TACC2: variants seen among roughly 807,000 people sequenced by gnomAD.
TACC2 encodes the protein transforming acidic coiled-coil-containing protein 2.
Under a neutral mutation model 227.3 loss-of-function variants are expected in TACC2, and 137 were observed. The ratio of observed to expected loss-of-function variants is 0.60; its 90% CI spans 0.52 to 0.69. The LOEUF is 0.69. Among genes scored for constraint, TACC2 ranks in the 30% least tolerant of loss-of-function variants. The pLI is 0.00. For synonymous variants in TACC2, 1,523 were observed against 1,487.5 expected (o/e 1.02, Z -0.55); for missense variants, 3,470 against 3,694.4 (o/e 0.94, Z 1.57).
chr10:122,186,591 G>C (rs539601390), intron 7 of TACC2, among the ~76,000 whole-genome samples: 1 of 122,834 alleles, frequency 8.1e-6, no homozygotes, highest in Non-Finnish European at 1.5e-5. Context: ...TCTGCTCACT[G>C]CAACCTCTGC....
intron 6 of TACC2, among the ~76,000 whole-genome samples, chr10:122,139,668 C>T (rs955030123): frequency 1.5e-4 from 23 of 152,170 alleles, no homozygotes; most frequent in Non-Finnish European, 4.4e-5. Context: ...TCGGCCTTAA[C>T]GCTTGCCCTA....
chr10:122,074,255 A>G (rs904162455), intron 3 of TACC2, among the ~76,000 whole-genome samples: 2 of 150,970 alleles, frequency 1.3e-5, no homozygotes, highest in South Asian at 2.1e-4. Flanking sequence ...TAATTTTTGT[A>G]TTTTTAGTAG....
chr10:122,033,515 G>C (rs977253506), intron 2 of TACC2, among the ~76,000 whole-genome samples: 1 of 152,152 alleles, frequency 6.6e-6, no homozygotes, highest in African/African-American at 2.4e-5. Flanking sequence ...AGTGAAGCTG[G>C]GAATGGGGTG....
chr10:122,095,617 A>G (rs1384289419), intron 5 of TACC2, among the ~76,000 whole-genome samples: 3 of 152,232 alleles, frequency 2.0e-5, no homozygotes, highest in Admixed American at 1.3e-4. Flanking sequence ...CAAAAAGCTA[A>G]TAAGAGTTGG....
At chr10:122,053,832 A>G (rs543947882) in intron 3 of TACC2, among the ~76,000 whole-genome samples, 1 of 152,282 alleles carries the variant, frequency 6.6e-6, no homozygotes, top group Non-Finnish European at 1.5e-5. Context: ...CAAAGGATGT[A>G]AGTTTTTACA....
At position 122,061,961 on chromosome 10, in the gene TACC2, A is replaced by G. The variant is rs535630921; in HGVS notation, c.146+11411A>G. Reference sequence around the variant, plus strand: ...GGCAGAGAACAGCTGTCCCTATCGTAGATCCACAGGAAACAGAATTTTAGA... The same window carrying G: ...GGCAGAGAACAGCTGTCCCTATCGTGGATCCACAGGAAACAGAATTTTAGA... On this transcript the variant is annotated intron_variant, in intron 3 of 22. Coordinates refer to ENST00000369005, the MANE Select transcript of TACC2 (RefSeq NM_206862.4). Among the ~76,000 whole-genome samples the G allele has an allele frequency of 1.2e-3, 178 of 149,384 alleles. 1 individual carries two copies. The highest frequency in any genetic ancestry group is 4.2e-3 in the African/African-American group (174 of 40,964).
Position 122,084,756 on chromosome 10 carries a change from G to A in TACC2, c.2256G>A (p.Gly752=), listed in dbSNP as rs546814637. 3.7e-6 allele frequency: 6 copies of A among 1,613,656 alleles called. No individual in the cohort carries two copies. The South Asian group carries it at 6.6e-5, about 18-fold the overall frequency. ...TAAGGAAGATGGGCAGCTGTGATGG[G>A]GAGGGCTTGCTGACGTCCCCAGATC... is the stretch of plus-strand genomic sequence containing the variant. The part of the protein sequence containing the change: ...LEIRKMGSCD[G]EGLLTSPDQP... The change falls in exon 4 of 23, where the codon GGG becomes GGA. Residue 752 remains glycine, a synonymous_variant. Transcript: ENST00000369005.
chr10:122,208,740 T>G (rs909379160), intron 8 of TACC2, among the ~76,000 whole-genome samples: 2 of 152,208 alleles, frequency 1.3e-5, no homozygotes, highest in Admixed American at 6.5e-5. Context: ...AGAAGGGGAC[T>G]GGGGGTACAT....
intron 3 of TACC2, among the ~76,000 whole-genome samples, chr10:122,055,056 C>T (rs141566283): frequency 1.3e-3 from 201 of 152,170 alleles, no homozygotes; most frequent in Non-Finnish European, 2.1e-3. Context: ...CTCATCTCTA[C>T]TAAAATGCAA....
chr10:122,116,774 A>G (rs1592195059), intron 5 of TACC2, among the ~76,000 whole-genome samples: 1 of 152,344 alleles, frequency 6.6e-6, no homozygotes, highest in East Asian at 1.9e-4. Context: ...AATGCAAACC[A>G]GGAGACATAC....
intron 7 of TACC2, among the ~76,000 whole-genome samples, chr10:122,179,066 C>G (rs991940642): frequency 4.6e-5 from 7 of 152,150 alleles, no homozygotes; most frequent in Non-Finnish European, 4.4e-5. Flanking sequence ...AACGCTGAAG[C>G]ATGTTTATAA....
intron 7 of TACC2, chr10:122,163,924 G>T: frequency 6.3e-7 from 1 of 1,575,194 alleles, no homozygotes; most frequent in Non-Finnish European, 8.6e-7. Context: ...GCACAGCGAG[G>T]ATGGGAGGGT....
In TACC2 at chr10:122,054,797, G is replaced by C. The variant is rs530972998; in HGVS notation, c.146+4247G>C. Among the ~76,000 whole-genome samples the C allele has an allele frequency of 5.1e-4, 77 of 152,296 alleles. 1 individual carries two copies. Among genetic ancestry groups the C allele is most frequent in the Middle Eastern group, 3.4e-3 (1 of 294 alleles). ...ACAGTGCTTAGGCTCCCAGGCAATG[G>C]TAATTGACACAAGACCAAACAGATC... On this transcript the variant is annotated intron_variant, in intron 3 of 22. Coordinates refer to ENST00000369005, the MANE Select transcript of TACC2 (RefSeq NM_206862.4).
At chr10:122,020,369 TATC>T (rs1186364028) in intron 1 of TACC2, among the ~76,000 whole-genome samples, 1 of 152,062 alleles carries the variant, frequency 6.6e-6, no homozygotes. Flanking sequence ...AGGATTAAGG[TATC>T]ATATCCTTTT....
intron 3 of TACC2, among the ~76,000 whole-genome samples, chr10:122,063,634 G>A (rs1276655407): frequency 6.6e-6 from 1 of 151,914 alleles, no homozygotes; most frequent in Admixed American, 6.6e-5. Flanking sequence ...AGAGTGGAGA[G>A]GAAAAAATCA....
At chr10:122,026,461 AAAAGTTTT>A (rs1958038521) in intron 2 of TACC2, among the ~76,000 whole-genome samples, 3 of 151,018 alleles carry the variant, frequency 2.0e-5, no homozygotes, top group Non-Finnish European at 4.4e-5. Context: ...TTTTTTGGCT[AAAAGTTTT>A]GAAGTTTTAC....
At chr10:122,147,944 A>G (rs527289897) in intron 7 of TACC2, among the ~76,000 whole-genome samples, 9 of 152,160 alleles carry the variant, frequency 5.9e-5, no homozygotes, top group Non-Finnish European at 1.0e-4. Context: ...GCTTTCAACC[A>G]TGCGGCCATG....
intron 5 of TACC2, among the ~76,000 whole-genome samples, chr10:122,115,859 C>G (rs957874382): frequency 6.6e-5 from 10 of 151,994 alleles, no homozygotes; most frequent in Non-Finnish European, 1.5e-4. Context: ...AACTTTTGCA[C>G]AGATGATCAG....
intron 3 of TACC2, among the ~76,000 whole-genome samples, chr10:122,067,850 G>A (rs964578099): frequency 2.6e-5 from 4 of 151,980 alleles, no homozygotes; most frequent in Non-Finnish European, 5.9e-5. Flanking sequence ...TGAGATTGTT[G>A]GATATGTTGG....
Sources: gnomAD v4.1 joint callset for allele counts (sites outside exome capture counted in the v4.1 genomes callset) on GRCh38, gnomAD v4.1.1 for gene constraint, MANE v1.5 for transcripts, NCBI Gene and HGNC (gene_info 2026-07-23, HGNC 2026-07-21) for gene names.